The following SDK1 variants were observed in gnomAD, a reference collection of about 807,000 sequenced individuals.
SDK1 encodes the protein sidekick cell adhesion molecule 1, also known as protein sidekick-1.
Under a neutral mutation model 245.5 loss-of-function variants are expected in SDK1, and 157 were observed. The observed-to-expected ratio is 0.64, with a 90% confidence interval of 0.56 to 0.73. SDK1 has a LOEUF of 0.73. SDK1 is among the 30% of genes least tolerant of loss of function. The probability of loss-of-function intolerance (pLI) is 0.00; values close to 1 mark genes in which losing one functional copy is unlikely to be tolerated. For synonymous variants in SDK1, 1,647 were observed against 1,278.5 expected (o/e 1.29, Z -6.15); for missense variants, 3,583 against 3,002.3 (o/e 1.19, Z -4.52).
intron 1 of SDK1, among the ~76,000 whole-genome samples, chr7:3,437,071 T>A (rs946031580): frequency 6.6e-6 from 1 of 152,198 alleles, no homozygotes; most frequent in African/African-American, 2.4e-5. Flanking sequence ...ATTGCTTTTC[T>A]TTCCACATGA....
chr7:3,734,106 A>T (rs542542818), intron 4 of SDK1, among the ~76,000 whole-genome samples: 2 of 152,210 alleles, frequency 1.3e-5, no homozygotes, highest in Non-Finnish European at 2.9e-5. Context: ...GGCTCGTGGA[A>T]CACATCTCAT....
At chr7:3,384,763 GTATACATCAA>G (rs1271913270) in intron 1 of SDK1, among the ~76,000 whole-genome samples, 1 of 152,164 alleles carries the variant, frequency 6.6e-6, no homozygotes, top group Non-Finnish European at 1.5e-5. Flanking sequence ...AAATATACCA[GTATACATCAA>G]TATGTACATT....
intron 1 of SDK1, among the ~76,000 whole-genome samples, chr7:3,404,056 T>C (rs1180737519): frequency 6.6e-6 from 1 of 151,418 alleles, no homozygotes; most frequent in Admixed American, 6.6e-5. Flanking sequence ...AATAGCATTA[T>C]GGCTAACAAG....
At chr7:3,860,020 C>T (rs976039377) in intron 5 of SDK1, among the ~76,000 whole-genome samples, 2 of 151,774 alleles carry the variant, frequency 1.3e-5, no homozygotes, top group East Asian at 3.9e-4. Context: ...CCCAGGTTCA[C>T]GCCATTCTCC....
At chr7:3,989,252 C>T (rs1226372524) in intron 14 of SDK1, among the ~76,000 whole-genome samples, 1 of 152,204 alleles carries the variant, frequency 6.6e-6, no homozygotes, top group Admixed American at 6.5e-5. Flanking sequence ...TCATGTCTCA[C>T]ATGGCGGCAG....
At chr7:3,909,899 C>T (rs931907893) in intron 5 of SDK1, among the ~76,000 whole-genome samples, 2 of 151,518 alleles carry the variant, frequency 1.3e-5, no homozygotes, top group Non-Finnish European at 2.9e-5. Context: ...CTATAATGAG[C>T]AGGAGGGATT....
chr7:3,987,179 A>G lies in SDK1; in HGVS notation c.1995-7A>G. On this transcript the variant is annotated splice_polypyrimidine_tract_variant and splice_region_variant and intron_variant, in intron 13 of 44. Coordinates refer to ENST00000404826, the MANE Select transcript of SDK1 (RefSeq NM_152744.4). Reference sequence around the variant, plus strand: ...CTCTTTTTCCTTTTCATCCCATTCAATTCAAGTGAACTGCCTCATTCACCT... The same window carrying G: ...CTCTTTTTCCTTTTCATCCCATTCAGTTCAAGTGAACTGCCTCATTCACCT... 6.2e-7 allele frequency: 1 copy of G among 1,613,620 alleles called. No homozygotes were observed. The highest frequency in any genetic ancestry group is 8.5e-7 in the Non-Finnish European group (1 of 1,179,880).
chr7:4,124,051 G>T (rs554894182), intron 25 of SDK1, among the ~76,000 whole-genome samples: 1 of 152,348 alleles, frequency 6.6e-6, no homozygotes, highest in Non-Finnish European at 1.5e-5. Flanking sequence ...ATCCTCAGCC[G>T]CTGGCCCTGT....
At chr7:3,437,133 C>G (rs1401618641) in intron 1 of SDK1, among the ~76,000 whole-genome samples, 2 of 152,150 alleles carry the variant, frequency 1.3e-5, no homozygotes, top group Non-Finnish European at 2.9e-5. Flanking sequence ...CAATACGGGA[C>G]ATTTTACTGT....
chr7:4,023,754 C>T (rs1034123472), intron 17 of SDK1, among the ~76,000 whole-genome samples: 5 of 152,136 alleles, frequency 3.3e-5, no homozygotes, highest in African/African-American at 9.7e-5. Flanking sequence ...GATGCTGACT[C>T]GCTGTTTGGC....
chr7:4,201,532 C>T (rs1204727305), intron 35 of SDK1, among the ~76,000 whole-genome samples: 1 of 152,180 alleles, frequency 6.6e-6, no homozygotes, highest in Non-Finnish European at 1.5e-5. Flanking sequence ...TCCATTAAAA[C>T]CTTGCTTTAC....
chr7:3,655,259 C>T (rs1454450890), intron 4 of SDK1, among the ~76,000 whole-genome samples: 1 of 150,974 alleles, frequency 6.6e-6, no homozygotes, highest in African/African-American at 2.4e-5. Context: ...CATGGAGAAA[C>T]ACTGTCTCTA....
chr7:3,597,924 G>A (rs899301912), intron 1 of SDK1, among the ~76,000 whole-genome samples: 1 of 151,520 alleles, frequency 6.6e-6, no homozygotes, highest in Non-Finnish European at 1.5e-5. Context: ...TCGTGTGGAT[G>A]TATGCTTTTT....
chr7:3,584,714 A>G (rs896994445), intron 1 of SDK1, among the ~76,000 whole-genome samples: 1 of 145,516 alleles, frequency 6.9e-6, no homozygotes, highest in Non-Finnish European at 1.5e-5. Context: ...AATTGGGGTG[A>G]CCCATGACTT....
At chr7:4,036,729 A>G (rs535030260) in intron 17 of SDK1, among the ~76,000 whole-genome samples, 1 of 152,260 alleles carries the variant, frequency 6.6e-6, no homozygotes, top group South Asian at 2.1e-4. Context: ...TCTGAGAGCT[A>G]GCTAGTCCCT....
In SDK1 at chr7:4,113,322, G is replaced by C. The variant is rs754657850; in HGVS notation, c.3468G>C (p.Pro1156=). 2 of 1,613,772 alleles carry C rather than the reference G, an allele frequency of 1.2e-6. No individual in the cohort carries two copies. The highest frequency in any genetic ancestry group is 2.2e-5 in the East Asian group (1 of 44,880). Residue 1156 remains proline, a synonymous_variant, in exon 24 of 45, where the codon CCG becomes CCC. Coordinates refer to ENST00000404826, the MANE Select transcript of SDK1 (RefSeq NM_152744.4). ...TGAAGCAAGTGAACATTGTTGGGCC[G>C]AGCCCCTACAGTCCGTCTTCCCGGG... ...FRMKQVNIVG[P]SPYSPSSRVI...
At chr7:3,881,642 G>A (rs1435292430) in intron 5 of SDK1, among the ~76,000 whole-genome samples, 42 of 152,112 alleles carry the variant, frequency 2.8e-4, no homozygotes. Flanking sequence ...GGATTGCTGG[G>A]TCAAATGGTA....
At position 4,139,527 on chromosome 7, in the gene SDK1, G is replaced by GTGTGTGTATATA. The variant is rs1562871698; in HGVS notation, c.4229-6188_4229-6187insATATATGTGTGT. On this transcript the variant is annotated intron_variant, in intron 28 of 44. Coordinates refer to ENST00000404826, the MANE Select transcript of SDK1 (RefSeq NM_152744.4). ...TGTATATGTATATATGTGTGTGTAT[G>GTGTGTGTATATA]TGTGTGTGTATATATGTGTGTGTAT... 1.3e-3 allele frequency among the ~76,000 whole-genome samples: 7 copies of GTGTGTGTATATA among 5,598 alleles called. 1 individual carries two copies. Among genetic ancestry groups the GTGTGTGTATATA allele is most frequent in the Non-Finnish European group, 2.1e-3 (5 of 2,438 alleles). 3.7% of individuals were successfully genotyped at this position (5,598 alleles called of 152,430 possible).
At chr7:4,121,320 T>C (rs150424198) in intron 25 of SDK1, among the ~76,000 whole-genome samples, 1 of 152,298 alleles carries the variant, frequency 6.6e-6, no homozygotes, top group Non-Finnish European at 1.5e-5. Flanking sequence ...TCATCTCAAA[T>C]TGTAATCTCC....
Sources: gnomAD v4.1 joint callset for allele counts (sites outside exome capture counted in the v4.1 genomes callset) on GRCh38, gnomAD v4.1.1 for gene constraint, MANE v1.5 for transcripts, NCBI Gene and HGNC (gene_info 2026-07-23, HGNC 2026-07-21) for gene names.